NCOR2: variants seen among roughly 807,000 people sequenced by gnomAD.
NCOR2 encodes the protein CTG repeat protein 26.
A neutral mutation model predicts 262.9 loss-of-function variants in NCOR2; 81 were observed. That is an observed-to-expected ratio of 0.31 (90% CI 0.26 to 0.37). NCOR2 has a LOEUF of 0.37. Ranked by LOEUF, NCOR2 falls within the 10% of genes least tolerant of loss-of-function variation. NCOR2 has a pLI of 1.00. For synonymous variants in NCOR2, 1,659 were observed against 1,559.3 expected (o/e 1.06, Z -1.51); for missense variants, 3,385 against 3,621.4 (o/e 0.93, Z 1.68).
chr12:124,347,654 G>A, intron 30 of NCOR2, 171 bp downstream of exon 32: 1 of 644,428 alleles, frequency 1.6e-6, no homozygotes, highest in Non-Finnish European at 2.7e-6. Flanking sequence ...AAATAAGTAA[G>A]AGACACCCTT....
At chr12:124,565,209 C>G (rs1212809664) in intron 1 of NCOR2, among the ~76,000 whole-genome samples, 3 of 152,146 alleles carry the variant, frequency 2.0e-5, no homozygotes, top group Non-Finnish European at 2.9e-5. Flanking sequence ...GCGTAAATAG[C>G]TCAGTGGGAA....
At chr12:124,344,517 C>G (rs1346780432) in intron 32 of NCOR2, 80 bp downstream of exon 34, 3 of 1,295,328 alleles carry the variant, frequency 2.3e-6, no homozygotes, top group Non-Finnish European at 3.1e-6. Flanking sequence ...CAGGTGCAAA[C>G]TAAGCTAATG....
At chr12:124,413,663 A>T (rs1312168369) in intron 13 of NCOR2, among the ~76,000 whole-genome samples, 2 of 152,132 alleles carry the variant, frequency 1.3e-5, no homozygotes, top group African/African-American at 4.8e-5. Flanking sequence ...CCTCCACAGC[A>T]ACCCAGGAGA....
rs1297276215 is a variant in NCOR2, at chr12:124,517,711, C to T, written c.-118+17854G>A. On this transcript the variant is annotated intron_variant, in intron 1 of 46. Coordinates refer to the NCOR2 transcript ENST00000404621. This position sits in a 1 kb window ranked among gnomAD's most constrained non-coding sequence, Gnocchi z 7.6. ...CCCCCCCAGGGACGCCGGATGTGCA[C>T]CAAGGAGAGGAGCACAGTGCCCACC... 6.6e-6 allele frequency among the ~76,000 whole-genome samples: 1 copy of T among 152,214 alleles called. No individual in the cohort carries two copies. The highest frequency in any genetic ancestry group is 1.9e-4 in the East Asian group (1 of 5,190).
In NCOR2 at chr12:124,327,486, T is replaced by A. The variant is rs574110280; in HGVS notation, c.7106A>T (p.Asn2369Ile). Residue 2369 changes from asparagine (N) to isoleucine (I), a missense_variant, in exon 45 of 47, where the codon AAT becomes ATT. Physicochemically the swap from Asn to Ile is moderately radical, Grantham distance 149 (BLOSUM62 -3). Around this residue, in one of 5 missense-constraint regions of NCOR2, gnomAD observed 1,017 missense variants for 967.2 expected, o/e 1.05. Coordinates refer to ENST00000405201, the Ensembl canonical transcript of NCOR2. ...AGCAGCGGGCAGGCTGGCACTGGCA[T>A]TCAGAGGGTTAAAAGCATTGGCGCT... 28 of 1,613,610 alleles carry A rather than the reference T, an allele frequency of 1.7e-5. No individual in the cohort carries two copies. In the African/African-American group the frequency reaches 2.3e-4, roughly 13 times the overall value.
intron 20 of NCOR2, among the ~76,000 whole-genome samples, chr12:124,368,290 G>A (rs532336050): frequency 6.6e-6 from 1 of 152,208 alleles, no homozygotes; most frequent in Admixed American, 6.5e-5. Context: ...GGGCACGAGA[G>A]GGGGAATAAG....
chr12:124,326,845 C>T (rs1431015011), intron 45 of NCOR2, among the ~76,000 whole-genome samples: 1 of 147,954 alleles, frequency 6.8e-6, no homozygotes, highest in Admixed American at 6.8e-5. Flanking sequence ...TGGACAACTG[C>T]AACTCTCTCC....
At chr12:124,341,547 C>T (rs1425816338) in intron 34 of NCOR2, among the ~76,000 whole-genome samples, 1 of 152,152 alleles carries the variant, frequency 6.6e-6, no homozygotes, top group Non-Finnish European at 1.5e-5. Context: ...ACATTTTGAT[C>T]TTTAAACTCC....
At position 124,387,558 on chromosome 12, in the gene NCOR2, TGGGG is replaced by T. The variant is rs2040908477; in HGVS notation, c.1877-1675_1877-1672del. Among the ~76,000 whole-genome samples, 4 of 152,266 alleles carry T rather than the reference TGGGG, an allele frequency of 2.6e-5. No homozygotes were observed. The South Asian group carries it at 8.3e-4, about 32-fold the overall frequency. On this transcript the variant is annotated intron_variant, in intron 16 of 46. Coordinates refer to ENST00000405201, the Ensembl canonical transcript of NCOR2. ...TCCGGGTCCTCTGGCCCCCGTGGCG[TGGGG>T]GTGGCACTGACTGACAGGCCACCTG...
intron 31 of NCOR2, among the ~76,000 whole-genome samples, chr12:124,345,992 G>A (rs1387191533): frequency 7.1e-6 from 1 of 141,512 alleles, no homozygotes; most frequent in Admixed American, 6.7e-5. Context: ...AGCTGGGGCC[G>A]CCTGGGGGGA....
chr12:124,529,048 G>A (rs575450297), intron 1 of NCOR2, among the ~76,000 whole-genome samples: 4 of 152,180 alleles, frequency 2.6e-5, no homozygotes, highest in South Asian at 2.1e-4. Context: ...GCGTGGTGGC[G>A]CATGCCTATA....
At chr12:124,376,615 C>T (rs1028275991) in intron 18 of NCOR2, among the ~76,000 whole-genome samples, 1 of 152,174 alleles carries the variant, frequency 6.6e-6, no homozygotes. Flanking sequence ...GTCCCTGACC[C>T]GCCCCCAACT....
At chr12:124,354,094 T>C in exon 27 of NCOR2, 1 of 1,608,288 alleles carries the variant, frequency 6.2e-7, no homozygotes, top group African/African-American at 1.3e-5. Flanking sequence ...GACACCTACG[T>C]GGGTGATGGA....
upstream of NCOR2, among the ~76,000 whole-genome samples, chr12:124,497,550 G>T (rs1268461649): frequency 6.6e-6 from 1 of 152,216 alleles, no homozygotes; most frequent in East Asian, 1.9e-4. The surrounding 1 kb of genome is among the most constrained non-coding windows in gnomAD (Gnocchi z 4.2). Flanking sequence ...ACATACAAGA[G>T]AAGCTTATTA....
exon 23 of NCOR2, chr12:124,356,715 G>A (rs780858703): frequency 4.7e-6 from 7 of 1,498,494 alleles, no homozygotes; most frequent in South Asian, 1.4e-5. Context: ...GGGGGGGCAC[G>A]GGGAAGGGCA....
At chr12:124,544,202 C>G (rs1005041078) in intron 1 of NCOR2, among the ~76,000 whole-genome samples, 2 of 152,234 alleles carry the variant, frequency 1.3e-5, no homozygotes, top group Admixed American at 6.5e-5. Flanking sequence ...GTGACCCTGT[C>G]TGTAAAAGAG....
At chr12:124,498,397 GA>G (rs1261622707), upstream of NCOR2, among the ~76,000 whole-genome samples, 1 of 152,098 alleles carries the variant, frequency 6.6e-6, no homozygotes, top group African/African-American at 2.4e-5. Flanking sequence ...CATGGGGCTG[GA>G]ACCTCGGCCC....
At position 124,327,397 on chromosome 12, in the gene NCOR2, TG is replaced by T; in HGVS notation, c.7183+11del. On this transcript the variant is annotated intron_variant, in intron 45 of 46. Coordinates refer to ENST00000405201, the Ensembl canonical transcript of NCOR2. ...GGGACAGACGGGGGCGGGGCGGGGG[TG>T]GCCTGCAGACCTGGCGAGGTGAGTG... 1.3e-6 allele frequency: 2 copies of T among 1,579,480 alleles called. No homozygotes were observed. Among genetic ancestry groups the T allele is most frequent in the South Asian group, 2.3e-5 (2 of 88,564 alleles).
chr12:124,428,080 TGTGTGTGTAC>T (rs1263610496), intron 10 of NCOR2, among the ~76,000 whole-genome samples: 3 of 147,786 alleles, frequency 2.0e-5, no homozygotes, highest in African/African-American at 7.5e-5. Flanking sequence ...TGTGTGTGTG[TGTGTGTGTAC>T]ATGCAACAAT....
Sources: gnomAD v4.1 joint callset for allele counts (sites outside exome capture counted in the v4.1 genomes callset) on GRCh38, gnomAD v4.1.1 for gene constraint, gnomAD v4.1.1 regional missense constraint, Gnocchi (gnomAD v3.1) non-coding constraint, MANE v1.5 for transcripts, NCBI Gene and HGNC (gene_info 2026-07-23, HGNC 2026-07-21) for gene names.